Variants in RBMXL1 observed in about 807,000 individuals in gnomAD.
RBMXL1 encodes RNA binding motif protein, X-linked-like-1.
RBMXL1 carries 18 observed loss-of-function variants against 29.0 expected under a neutral mutation model. The ratio of observed to expected loss-of-function variants is 0.62; its 90% CI spans 0.43 to 0.92. The LOEUF (loss-of-function observed/expected upper bound fraction) is 0.92, where lower values mean the gene tolerates loss of function less well. Among genes scored for constraint, RBMXL1 ranks in the 40% least tolerant of loss-of-function variants. The pLI, the probability that RBMXL1 is intolerant of heterozygous loss-of-function variation, is 0.00. For synonymous variants in RBMXL1, 141 were observed against 170.4 expected (o/e 0.83, Z 1.34); for missense variants, 403 against 495.8 (o/e 0.81, Z 1.78).
At position 88,983,593 on chromosome 1, in the gene RBMXL1, G is replaced by A; in HGVS notation, c.234C>T (p.Ala78=). The A allele has an allele frequency of 1.9e-6, 3 of 1,614,200 alleles. No homozygotes were observed. The highest frequency in any genetic ancestry group is 2.5e-6 in the Non-Finnish European group (3 of 1,180,050). ...GTTTGGTGGCTTGTTCCACCTTGAT[G>A]GCTTTTCCATCTAATGACTTTCCAT... The part of the protein sequence containing the change: ...DMNGKSLDGK[A]IKVEQATKPS... The change falls in exon 3 of 3, where the codon GCC becomes GCT. Residue 78 remains alanine (A), a synonymous_variant. Coordinates refer to ENST00000652648, the MANE Select transcript of RBMXL1 (RefSeq NM_001162536.3).
At position 88,982,830 on chromosome 1, in the gene RBMXL1, C is replaced by T. The variant is rs748632591; in HGVS notation, c.997G>A (p.Asp333Asn). 1.9e-6 allele frequency: 3 copies of T among 1,613,980 alleles called. No homozygotes were observed. The highest frequency in any genetic ancestry group is 2.2e-5 in the East Asian group (1 of 44,880). Residue 333 changes from aspartate (D) to asparagine (N), a missense_variant, in exon 3 of 3, where the codon GAT becomes AAT. By Grantham distance (23) the Asp-to-Asn change is conservative. Coordinates refer to ENST00000652648, the MANE Select transcript of RBMXL1 (RefSeq NM_001162536.3). Reference protein sequence around the residue: ...SRDSYSSSRSDLYSSCDRVGR... With the variant: ...SRDSYSSSRSNLYSSCDRVGR... ...ACCCTGTCACAACTTGAGTAGAGAT[C>T]ACTTCGGCTGCTTGAGTAACTGTCT... is the stretch of plus-strand genomic sequence containing the variant.
chr1:88,980,534 A>G lies in RBMXL1; in HGVS notation c.*2120T>C, dbSNP rs1009643721. Reference sequence around the variant, plus strand: ...AGTTCTATGTTCAACTACCACTTAAACAAGGAAAACATTTTCTAATATCAT... The same window carrying G: ...AGTTCTATGTTCAACTACCACTTAAGCAAGGAAAACATTTTCTAATATCAT... On this transcript the variant is annotated 3_prime_UTR_variant, in exon 3 of 3. Coordinates refer to ENST00000652648, the MANE Select transcript of RBMXL1 (RefSeq NM_001162536.3). 1 of 152,600 alleles carries G rather than the reference A, an allele frequency of 6.6e-6. No homozygotes were observed. The highest frequency in any genetic ancestry group is 2.4e-5 in the African/African-American group (1 of 41,456). The allele number at this position is 152,600 out of a possible 1,614,324, so 9.5% of individuals were successfully genotyped here.
In RBMXL1 at chr1:88,983,304, T is replaced by G. The variant is rs1175345681; in HGVS notation, c.523A>C (p.Ser175Arg). ...SAPSGLVRSS[S>R]GMGGRAPLSR... Reference sequence around the variant, plus strand: ...AGAGGAGCTCTTCCTCCCATTCCACTGCTGCTGCGAACTAGTCCTGAAGGT... The same window carrying G: ...AGAGGAGCTCTTCCTCCCATTCCACGGCTGCTGCGAACTAGTCCTGAAGGT... Residue 175 changes from serine to arginine, a missense_variant, in exon 3 of 3, where the codon AGT (serine) becomes CGT (arginine). Physicochemically the swap from Ser to Arg is moderately radical, Grantham distance 110. Coordinates refer to ENST00000652648, the MANE Select transcript of RBMXL1 (RefSeq NM_001162536.3). 6.2e-7 allele frequency: 1 copy of G among 1,613,974 alleles called. No homozygotes were observed. Among genetic ancestry groups the G allele is most frequent in the African/African-American group, 1.3e-5 (1 of 74,926 alleles).
intron 1 of RBMXL1, among the ~76,000 whole-genome samples, chr1:88,989,580 AG>A (rs1405834887): frequency 3.9e-5 from 6 of 152,202 alleles, no homozygotes; most frequent in African/African-American, 1.4e-4. Context: ...AAAATGGAAG[AG>A]AAAGGAAGAC....
intron 1 of RBMXL1, among the ~76,000 whole-genome samples, 185 bp downstream of exon 1, chr1:88,992,400 C>G (rs1483144101): frequency 1.3e-5 from 2 of 152,250 alleles, no homozygotes; most frequent in Admixed American, 1.3e-4. Flanking sequence ...GGAGGCCAGT[C>G]ACCTCGGCGC....
Position 88,982,292 on chromosome 1 carries a change from T to C in RBMXL1, c.*362A>G. The C allele has an allele frequency of 1.5e-6, 1 of 680,218 alleles. No individual in the cohort carries two copies. Among genetic ancestry groups the C allele is most frequent in the Non-Finnish European group, 1.9e-6 (1 of 524,794 alleles). 42.1% of individuals were successfully genotyped at this position (680,218 alleles called of 1,614,324 possible). Reference sequence around the variant, plus strand: ...GGCAGAATGATTCATCTCTCCATTTTAGTTGGCTAGATGTTTTGTGGAAGA... The same window carrying C: ...GGCAGAATGATTCATCTCTCCATTTCAGTTGGCTAGATGTTTTGTGGAAGA... On this transcript the variant is annotated 3_prime_UTR_variant, in exon 3 of 3. Transcript: ENST00000652648.
rs761266859 is a variant in RBMXL1, at chr1:88,980,297, T to A, written c.*2357A>T. On this transcript the variant is annotated 3_prime_UTR_variant, in exon 3 of 3. Transcript: ENST00000652648. ...GTAATTCTAAACAGATACAGTTTAC[T>A]GTAACTTGATAAAGCTGAATTTAAA... 6.6e-6 allele frequency: 1 copy of A among 152,670 alleles called. No homozygotes were observed. Among genetic ancestry groups the A allele is most frequent in the Non-Finnish European group, 1.5e-5 (1 of 68,048 alleles). 9.5% of individuals were successfully genotyped at this position (152,670 alleles called of 1,614,324 possible).
intron 1 of RBMXL1, 132 bp from the exon 2 acceptor site, chr1:88,988,483 G>A (rs1242467720): frequency 3.9e-6 from 2 of 514,442 alleles, no homozygotes; most frequent in Non-Finnish European, 6.9e-6. Context: ...AAGTGAGTTT[G>A]CTTTCTTTCA....
chr1:88,987,857 T>G (rs1160259449), intron 2 of RBMXL1, among the ~76,000 whole-genome samples: 1 of 152,210 alleles, frequency 6.6e-6, no homozygotes, highest in Non-Finnish European at 1.5e-5. Flanking sequence ...CTTTCTGCAT[T>G]TTGGTTGACT....
chr1:88,986,383 T>C (rs1478914618), intron 2 of RBMXL1, among the ~76,000 whole-genome samples: 1 of 151,808 alleles, frequency 6.6e-6, no homozygotes, highest in Non-Finnish European at 1.5e-5. Context: ...CCCAGCACTT[T>C]GGGAGGCCGA....
chr1:88,983,563 T>G lies in RBMXL1; in HGVS notation c.264A>C (p.Ser88=). The change falls in exon 3 of 3, where the codon TCA becomes TCC. Residue 88 remains serine (S), a synonymous_variant. Coordinates refer to ENST00000652648, the MANE Select transcript of RBMXL1 (RefSeq NM_001162536.3). ...AIKVEQATKP[S]FERGRHGPPP... ...GCGGTCCATGTCTACCTCTTTCAAA[T>G]GATGGTTTGGTGGCTTGTTCCACCT... 6.2e-7 allele frequency: 1 copy of G among 1,614,236 alleles called. No homozygotes were observed. The highest frequency in any genetic ancestry group is 8.5e-7 in the Non-Finnish European group (1 of 1,180,034).
intron 2 of RBMXL1, among the ~76,000 whole-genome samples, chr1:88,987,543 T>G (rs1416441198): frequency 6.6e-6 from 1 of 152,264 alleles, no homozygotes; most frequent in African/African-American, 2.4e-5. Context: ...ATGCCAAAAA[T>G]GGAATTTTCA....
In RBMXL1 at chr1:88,985,475, C is replaced by T. The variant is rs775455055; in HGVS notation, c.-240-1409G>A. ...AAGTCTGTGTTCAATCCCTCACACA[C>T]ATGCCATGTTCTGTGCCAAAAACAC... On this transcript the variant is annotated intron_variant, in intron 2 of 2. Coordinates refer to ENST00000652648, the MANE Select transcript of RBMXL1 (RefSeq NM_001162536.3). Among the ~76,000 whole-genome samples the T allele has an allele frequency of 4.3e-4, 65 of 152,218 alleles. 2 individuals carry two copies. Among genetic ancestry groups the T allele is most frequent in the Admixed American group, 7.9e-4 (12 of 15,286 alleles).
chr1:88,981,577 C>CTATT lies in RBMXL1; in HGVS notation c.*1073_*1076dup, dbSNP rs1331829447. 1 of 156,850 alleles carries CTATT rather than the reference C, an allele frequency of 6.4e-6. No homozygotes were observed. Among genetic ancestry groups the CTATT allele is most frequent in the Non-Finnish European group, 1.5e-5 (1 of 68,302 alleles). The allele number at this position is 156,850 out of a possible 1,614,324, so 9.7% of individuals were successfully genotyped here. A position where few individuals can be genotyped will look rare whatever the true frequency, so the allele number is the denominator to read the frequency against. On this transcript the variant is annotated 3_prime_UTR_variant, in exon 3 of 3. Transcript: ENST00000652648. ...CCACAGGAACCCTTGAAGGCAAAAT[C>CTATT]TATTGCCTGCACCAAACCAATTCTG... is the stretch of plus-strand genomic sequence containing the variant.
Position 88,983,235 on chromosome 1 carries a change from G to T in RBMXL1, c.592C>A (p.Pro198Thr). 2.5e-6 allele frequency: 4 copies of T among 1,613,362 alleles called. No individual in the cohort carries two copies. The highest frequency in any genetic ancestry group is 3.4e-6 in the Non-Finnish European group (4 of 1,179,962). Residue 198 changes from proline to threonine, a missense_variant, in exon 3 of 3, where the codon CCG becomes ACG. Coordinates refer to ENST00000652648, the MANE Select transcript of RBMXL1 (RefSeq NM_001162536.3). ...TAAACATCTCTACGAGAGGGGAGCG[G>T]TTCCCTTCGAGGTGGACCTCCATAA... ...DSYGGPPRRE[P>T]LPSRRDVYLS...
intron 1 of RBMXL1, among the ~76,000 whole-genome samples, chr1:88,991,125 T>C (rs1677769666): frequency 6.6e-6 from 1 of 152,204 alleles, no homozygotes; most frequent in Admixed American, 6.5e-5. Context: ...ATCAACGGTT[T>C]AGACTGTTTA....
rs559887785 is a variant in RBMXL1, at chr1:88,984,023, C to T, written c.-197G>A. On this transcript the variant is annotated 5_prime_UTR_variant, in exon 3 of 3. Transcript: ENST00000652648. ...TCCATTCAAAAAACCAGGAAAATTA[C>T]TTTCTTTTGCCACTAGATGGCAGAG... The T allele has an allele frequency of 7.9e-6, 5 of 630,088 alleles. No homozygotes were observed. The South Asian group carries it at 1.0e-4, about 13-fold the overall frequency. The allele number at this position is 630,088 out of a possible 1,614,324, so 39.0% of individuals were successfully genotyped here.
At position 88,988,342 on chromosome 1, in the gene RBMXL1, C is replaced by A. The variant is rs1677591652; in HGVS notation, c.-331G>T. On this transcript the variant is annotated 5_prime_UTR_variant, in exon 2 of 3. Transcript: ENST00000652648. ...TAAGAGAGCAGAGGCTCCTCTGGGCCAAAAACATGCTATTAAATAAAAGAA... is the reference window on the plus strand; with the variant it reads ...TAAGAGAGCAGAGGCTCCTCTGGGCAAAAAACATGCTATTAAATAAAAGAA... 3 of 1,605,988 alleles carry A rather than the reference C, an allele frequency of 1.9e-6. No homozygotes were observed. The highest frequency in any genetic ancestry group is 4.5e-5 in the East Asian group (2 of 44,748).
At chr1:88,991,358 A>T (rs74100110) in intron 1 of RBMXL1, among the ~76,000 whole-genome samples, 10,311 of 152,316 alleles carry the variant, frequency 0.068, 1,161 homozygotes, top group African/African-American at 0.23. Context: ...AGTCCAGAAC[A>T]TCTGGGTTAA....
Sources: gnomAD v4.1 joint callset for allele counts (sites outside exome capture counted in the v4.1 genomes callset) on GRCh38, gnomAD v4.1.1 for gene constraint, MANE v1.5 for transcripts, NCBI Gene and HGNC (gene_info 2026-07-23, HGNC 2026-07-21) for gene names.